Variants in LAMP2 observed in about 807,000 individuals in gnomAD.
LAMP2 encodes lysosome associated membrane protein 2, also known as lysosome-associated membrane glycoprotein 2.
LAMP2 carries 4 observed loss-of-function variants against 25.6 expected under a neutral mutation model. The ratio of observed to expected loss-of-function variants is 0.16; its 90% CI spans 0.08 to 0.36. The LOEUF (loss-of-function observed/expected upper bound fraction) is 0.36, where lower values mean the gene tolerates loss of function less well. LAMP2 is among the 10% of genes least tolerant of loss of function. The pLI is 1.00. For missense variants in LAMP2, 272 were observed against 301.4 expected, an observed-to-expected ratio of 0.90 and a Z score of 0.72; for synonymous variants, 108 against 112.7, an observed-to-expected ratio of 0.96 and a Z score of 0.27.
chrX:120,447,032 T>C (rs1030390716), intron 5 of LAMP2, among the ~76,000 whole-genome samples: 13 of 112,463 alleles, frequency 1.2e-4, no homozygotes, highest in African/African-American at 3.9e-4. Flanking sequence ...ACACAACACC[T>C]GAAAGTGACA....
chrX:120,460,055 C>T (rs767357294), intron 1 of LAMP2, among the ~76,000 whole-genome samples: 3 of 111,020 alleles, frequency 2.7e-5, no homozygotes, highest in African/African-American at 6.5e-5. Context: ...CTGAGGCAGA[C>T]GGATCACTTG....
chrX:120,443,051 G>A (rs56024756), intron 6 of LAMP2, among the ~76,000 whole-genome samples: 7,070 of 111,200 alleles, frequency 0.064, 545 homozygotes, highest in African/African-American at 0.21. Flanking sequence ...TCTTTCTGAA[G>A]TACTCATCTG....
intron 3 of LAMP2, among the ~76,000 whole-genome samples, chrX:120,451,366 A>G (rs1602537490): frequency 8.9e-6 from 1 of 112,422 alleles, no homozygotes; most frequent in East Asian, 2.8e-4. Context: ...TGCCCAGGCT[A>G]GTCTCACACT....
At chrX:120,443,633 A>G (rs935493141) in intron 6 of LAMP2, among the ~76,000 whole-genome samples, 1 of 111,798 alleles carries the variant, frequency 8.9e-6, no homozygotes, top group Non-Finnish European at 1.9e-5. Context: ...CATAAGGTTC[A>G]TAAAGAGGGA....
chrX:120,467,274 A>T (rs1359692570), intron 1 of LAMP2, among the ~76,000 whole-genome samples: 1 of 112,355 alleles, frequency 8.9e-6, no homozygotes, highest in Non-Finnish European at 1.9e-5. Context: ...AGGATTTATC[A>T]ATGTTGGCAC....
intron 1 of LAMP2, among the ~76,000 whole-genome samples, chrX:120,465,810 T>G (rs1728495671): frequency 8.9e-6 from 1 of 112,156 alleles, no homozygotes; most frequent in Non-Finnish European, 1.9e-5. Context: ...TAGCTACATA[T>G]TAGGTACTTT....
chrX:120,461,703 C>T (rs960256070), intron 1 of LAMP2, among the ~76,000 whole-genome samples: 13 of 111,777 alleles, frequency 1.2e-4, no homozygotes, highest in Non-Finnish European at 2.4e-4. Context: ...TCCTCTATCT[C>T]CTATCATTCC....
chrX:120,428,965 ACT>A lies in LAMP2; in HGVS notation c.*2356_*2357del. 1.4e-6 allele frequency: 1 copy of A among 714,294 alleles called. No individual in the cohort carries two copies. Among genetic ancestry groups the A allele is most frequent in the South Asian group, 7.2e-5 (1 of 13,872 alleles). 58.9% of individuals were successfully genotyped at this position (714,294 alleles called of 1,213,427 possible). A position where few individuals can be genotyped will look rare whatever the true frequency, so the allele number is the denominator to read the frequency against. Reference sequence around the variant, plus strand: ...AAAACCACTGCCTGTGTATTTCCCTACTCTCTTTCTCTTCGTCACACCTATAA... The same window carrying A: ...AAAACCACTGCCTGTGTATTTCCCTACTCTTTCTCTTCGTCACACCTATAA... On this transcript the variant is annotated 3_prime_UTR_variant, in exon 9 of 9. Transcript: ENST00000200639.
At position 120,446,414 on chromosome X, in the gene LAMP2, A is replaced by G. The variant is rs141541387; in HGVS notation, c.755T>C (p.Ile252Thr). The part of the protein sequence containing the change: ...NITQDKVASV[I>T]NINPNTTHST... ...GTGAGTTGTATTGGGGTTGATGTTAATAACTGAAGCAACCTTCAGGAGAAG... is the reference window on the plus strand; with the variant it reads ...GTGAGTTGTATTGGGGTTGATGTTAGTAACTGAAGCAACCTTCAGGAGAAG... Residue 252 changes from isoleucine to threonine, a missense_variant, in exon 6 of 9, where the codon ATT (isoleucine) becomes ACT (threonine). Coordinates refer to ENST00000200639, the MANE Select transcript of LAMP2 (RefSeq NM_002294.3). 1.7e-6 allele frequency: 2 copies of G among 1,210,361 alleles called. No individual in the cohort carries two copies. Among genetic ancestry groups the G allele is most frequent in the Admixed American group, 4.3e-5 (2 of 46,002 alleles).
Position 120,438,800 on chromosome X carries a change from G to GA in LAMP2, c.1093+2929dup, listed in dbSNP as rs1048899098. On this transcript the variant is annotated intron_variant, in intron 8 of 8. Transcript: ENST00000200639. ...TTGTTCCAACTCAACTACCTGCAGG[G>GA]AAAAAAAATCTCTTTTTCAAAAATT... The GA allele has an allele frequency of 2.2e-4, 186 of 830,020 alleles. 1 individual carries two copies. The highest frequency in any genetic ancestry group is 2.5e-4 in the Non-Finnish European group (173 of 688,656). The allele number at this position is 830,020 out of a possible 1,213,427, so 68.4% of individuals were successfully genotyped here.
rs768369360 is a variant in LAMP2 at position 120,442,620 on chromosome X, T to C, written c.907A>G (p.Met303Val). ...TTACCGGAGCCATTAACCAAATACATGCTGATGTTCACTTCCTTCAGATAA... is the reference window on the plus strand; with the variant it reads ...TTACCGGAGCCATTAACCAAATACACGCTGATGTTCACTTCCTTCAGATAA... ...RFYLKEVNIS[M>V]YLVNGSVFSI... is the part of the protein sequence containing the mutation. Residue 303 changes from methionine to valine, a missense_variant, in exon 7 of 9, where the codon ATG (methionine) becomes GTG (valine). Coordinates refer to ENST00000200639, the MANE Select transcript of LAMP2 (RefSeq NM_002294.3). The C allele has an allele frequency of 2.5e-6, 3 of 1,210,190 alleles. No homozygotes were observed. The highest frequency in any genetic ancestry group is 3.4e-6 in the Non-Finnish European group (3 of 893,902).
rs1391158573 is a variant in LAMP2 at position 120,436,185 on chromosome X, CTCTG to C, written c.1094-4727_1094-4724del. Among the ~76,000 whole-genome samples, 22 of 109,838 alleles carry C rather than the reference CTCTG, an allele frequency of 2.0e-4. No individual in the cohort carries two copies. The South Asian group carries it at 8.2e-3, about 41-fold the overall frequency. On this transcript the variant is annotated intron_variant, in intron 8 of 8. Coordinates refer to ENST00000200639, the MANE Select transcript of LAMP2 (RefSeq NM_002294.3). ...ACACACACACACTCTCTCTCTCTCT[CTCTG>C]TCTCTCTCTCTCTCTGTCTCCTCAT...
intron 1 of LAMP2, among the ~76,000 whole-genome samples, chrX:120,465,975 G>A (rs1261737471): frequency 8.9e-6 from 1 of 112,221 alleles, no homozygotes; most frequent in East Asian, 2.8e-4. Flanking sequence ...AGAGCCATCA[G>A]AAAATGCAGC....
chrX:120,429,881 G>A lies in LAMP2; in HGVS notation c.*1442C>T, dbSNP rs1285534326. On this transcript the variant is annotated 3_prime_UTR_variant, in exon 9 of 9. Transcript: ENST00000200639. ...AAATTAACAAAATGTGTTATCTGGT[G>A]TGATTTATGATTAAGCAATAACTTG... 3 of 752,192 alleles carry A rather than the reference G, an allele frequency of 4.0e-6. No individual in the cohort carries two copies. The highest frequency in any genetic ancestry group is 3.0e-4 in the East Asian group (2 of 6,659). 62.0% of individuals were successfully genotyped at this position (752,192 alleles called of 1,213,427 possible).
chrX:120,439,153 G>A, intron 8 of LAMP2: 1 of 1,210,574 alleles, frequency 8.3e-7, no homozygotes, highest in Non-Finnish European at 1.1e-6. Flanking sequence ...ATTGATTAGT[G>A]TTACAGAGTC....
At chrX:120,469,064 G>C (rs762406429) in intron 1 of LAMP2, 42 bp downstream of exon 1, 11 of 1,172,970 alleles carry the variant, frequency 9.4e-6, no homozygotes, top group Non-Finnish European at 1.3e-5. Flanking sequence ...TGGTGCCCCG[G>C]GCCCAGGCGG....
At chrX:120,441,631 T>C in intron 8 of LAMP2, 99 bp downstream of exon 8, 1 of 719,516 alleles carries the variant, frequency 1.4e-6, no homozygotes, top group Admixed American at 2.5e-5. Context: ...TATGAATTCA[T>C]ATTCCTCTAT....
At chrX:120,433,058 T>C (rs1199059026) in intron 8 of LAMP2, among the ~76,000 whole-genome samples, 1 of 111,561 alleles carries the variant, frequency 9.0e-6, no homozygotes, top group Non-Finnish European at 1.9e-5. Context: ...ACAAAAACCC[T>C]TGGGAACACC....
intron 8 of LAMP2, among the ~76,000 whole-genome samples, chrX:120,432,383 G>C (rs1357887705): frequency 1.8e-5 from 2 of 111,094 alleles, no homozygotes; most frequent in African/African-American, 6.6e-5. Context: ...ATGCTCTTAG[G>C]TAGTCTGGCC....
Sources: gnomAD v4.1 joint callset for allele counts (sites outside exome capture counted in the v4.1 genomes callset) on GRCh38, gnomAD v4.1.1 for gene constraint, MANE v1.5 for transcripts, NCBI Gene and HGNC (gene_info 2026-07-23, HGNC 2026-07-21) for gene names.